Variants in KCNMB2 observed in about 807,000 individuals in gnomAD.
KCNMB2 encodes potassium calcium-activated channel subfamily M regulatory beta subunit 2.
KCNMB2 carries 9 observed loss-of-function variants against 24.5 expected under a neutral mutation model. The observed-to-expected ratio is 0.37, with a 90% CI of 0.22 to 0.64. The LOEUF (loss-of-function observed/expected upper bound fraction) is 0.64. KCNMB2 is among the 30% of genes least tolerant of loss of function. The probability of loss-of-function intolerance (pLI) is 0.63; values close to 1 mark genes in which losing one functional copy is unlikely to be tolerated. For missense variants in KCNMB2, 226 were observed against 284.3 expected, an observed-to-expected ratio of 0.79 and a Z score of 1.47; for synonymous variants, 109 against 104.4, an observed-to-expected ratio of 1.04 and a Z score of -0.27.
chr3:178,590,697 A>G (rs1038654813), intron 1 of KCNMB2, among the ~76,000 whole-genome samples: 13 of 152,306 alleles, frequency 8.5e-5, no homozygotes, highest in Admixed American at 3.9e-4. Context: ...ACAGTTAAGT[A>G]ACTTGCCTTG....
chr3:178,748,113 T>C (rs1723730045), intron 1 of KCNMB2, among the ~76,000 whole-genome samples: 1 of 118,318 alleles, frequency 8.5e-6, no homozygotes, highest in Non-Finnish European at 2.0e-5. Context: ...GAACGTTCCA[T>C]ATTTTCTCTG....
chr3:178,653,187 T>C (rs1033561247), intron 1 of KCNMB2, among the ~76,000 whole-genome samples: 1 of 152,174 alleles, frequency 6.6e-6, no homozygotes, highest in Non-Finnish European at 1.5e-5. Flanking sequence ...TCCTATGGAT[T>C]CTTTGTTAAG....
chr3:178,577,640 T>G (rs1318834116), intron 1 of KCNMB2, among the ~76,000 whole-genome samples: 2 of 152,116 alleles, frequency 1.3e-5, no homozygotes, highest in African/African-American at 4.8e-5. Flanking sequence ...TTAGAGGAAT[T>G]GCTAACTAGA....
intron 1 of KCNMB2, among the ~76,000 whole-genome samples, chr3:178,563,630 T>C (rs746253753): frequency 6.6e-5 from 10 of 152,126 alleles, no homozygotes; most frequent in African/African-American, 1.7e-4. Flanking sequence ...TGAGAATCAA[T>C]TGAAGTCATA....
At chr3:178,550,315 G>A (rs1270044022) in intron 1 of KCNMB2, among the ~76,000 whole-genome samples, 1 of 151,260 alleles carries the variant, frequency 6.6e-6, no homozygotes, top group Non-Finnish European at 1.5e-5. Context: ...AAAATTAGAC[G>A]GGCATGGTGG....
chr3:178,674,295 CT>C (rs2108586599), intron 1 of KCNMB2, among the ~76,000 whole-genome samples: 1 of 152,262 alleles, frequency 6.6e-6, no homozygotes, highest in East Asian at 1.9e-4. Flanking sequence ...CTGGACTCCA[CT>C]CTAGCTTTCT....
chr3:178,710,698 T>A (rs1722424240), intron 1 of KCNMB2, among the ~76,000 whole-genome samples: 1 of 152,142 alleles, frequency 6.6e-6, no homozygotes, highest in African/African-American at 2.4e-5. Flanking sequence ...ATTATGCAGA[T>A]GAAAGCCATT....
chr3:178,632,956 C>A (rs1337003746), intron 1 of KCNMB2, among the ~76,000 whole-genome samples: 1 of 152,168 alleles, frequency 6.6e-6, no homozygotes, highest in Non-Finnish European at 1.5e-5. Context: ...GGGCTACAGG[C>A]CCCATGCAAG....
At chr3:178,619,843 G>A (rs9290658) in intron 1 of KCNMB2, among the ~76,000 whole-genome samples, 98,830 of 151,992 alleles carry the variant, frequency 0.65, 33,069 homozygotes, top group African/African-American at 0.82. Flanking sequence ...TTTGTTTTTA[G>A]TAGGCAAAGA....
chr3:178,749,172 C>T (rs769648758), intron 1 of KCNMB2: 4 of 152,072 alleles, frequency 2.6e-5, no homozygotes, highest in Non-Finnish European at 5.9e-5. Flanking sequence ...GTTTCTTCAT[C>T]GTTAACAATG....
chr3:178,563,228 GA>G (rs891671582), intron 1 of KCNMB2, among the ~76,000 whole-genome samples: 1 of 152,186 alleles, frequency 6.6e-6, no homozygotes, highest in South Asian at 2.1e-4. Context: ...GGCTAAACCA[GA>G]AAAAAACTGG....
intron 1 of KCNMB2, among the ~76,000 whole-genome samples, chr3:178,650,356 G>T (rs1720067010): frequency 6.6e-6 from 1 of 152,032 alleles, no homozygotes; most frequent in Non-Finnish European, 1.5e-5. Flanking sequence ...ATGTCTATTA[G>T]GTCCGCTTGA....
intron 1 of KCNMB2, among the ~76,000 whole-genome samples, chr3:178,549,235 T>C (rs2108452884): frequency 1.3e-5 from 2 of 151,844 alleles, no homozygotes; most frequent in South Asian, 4.2e-4. Context: ...GACTCTGAAA[T>C]AGAGAGAAGA....
intron 1 of KCNMB2, among the ~76,000 whole-genome samples, chr3:178,575,893 T>C (rs952455696): frequency 1.3e-5 from 2 of 152,184 alleles, no homozygotes; most frequent in Non-Finnish European, 2.9e-5. Flanking sequence ...CATTTCACCA[T>C]TTATTTAGCC....
intron 1 of KCNMB2, among the ~76,000 whole-genome samples, chr3:178,687,396 G>C (rs1262167179): frequency 6.6e-6 from 1 of 152,110 alleles, no homozygotes; most frequent in East Asian, 1.9e-4. Context: ...TGTACTTATG[G>C]GTCTGGAGTT....
intron 1 of KCNMB2, among the ~76,000 whole-genome samples, chr3:178,562,577 C>A (rs1034642253): frequency 2.0e-5 from 3 of 152,240 alleles, no homozygotes; most frequent in Admixed American, 1.3e-4. Context: ...ACTATACACT[C>A]TTCAGTAATG....
At chr3:178,809,824 T>G (rs1289129220) in intron 2 of KCNMB2, among the ~76,000 whole-genome samples, 1 of 152,228 alleles carries the variant, frequency 6.6e-6, no homozygotes, top group Non-Finnish European at 1.5e-5. Flanking sequence ...AAGTATGATT[T>G]CAGAACTATG....
At chr3:178,732,583 C>T (rs1159899030) in intron 1 of KCNMB2, among the ~76,000 whole-genome samples, 2 of 152,054 alleles carry the variant, frequency 1.3e-5, no homozygotes, top group Non-Finnish European at 2.9e-5. Flanking sequence ...GTCTAGTGCT[C>T]CAAGGTACGA....
intron 1 of KCNMB2, among the ~76,000 whole-genome samples, chr3:178,588,053 T>C (rs1025331583): frequency 4.6e-5 from 7 of 152,034 alleles, no homozygotes; most frequent in Admixed American, 1.3e-4. Flanking sequence ...TCCATGTCCC[T>C]ACAAAGGACA....
Sources: gnomAD v4.1 joint callset for allele counts (sites outside exome capture counted in the v4.1 genomes callset) on GRCh38, gnomAD v4.1.1 for gene constraint, MANE v1.5 for transcripts, NCBI Gene and HGNC (gene_info 2026-07-23, HGNC 2026-07-21) for gene names.